Variants in NUTM2F observed in about 807,000 individuals in gnomAD.
The protein encoded by NUTM2F is NUT family member 2F, also known as family with sequence similarity 22, member F.
A neutral mutation model predicts 43.3 loss-of-function variants in NUTM2F; 22 were observed. The observed-to-expected ratio is 0.51, with a 90% confidence interval of 0.36 to 0.73. The LOEUF is 0.73. Among genes scored for constraint, NUTM2F ranks in the 30% least tolerant of loss-of-function variants. The probability of loss-of-function intolerance (pLI) is 0.00; values close to 1 mark genes in which losing one functional copy is unlikely to be tolerated. For missense variants in NUTM2F, 488 were observed against 927.4 expected (o/e 0.53, Z 6.15); for synonymous variants, 202 against 389.0 (o/e 0.52, Z 5.66).
chr9:94,322,138 C>T lies in NUTM2F; in HGVS notation c.842+63G>A, dbSNP rs543721306. The T allele has an allele frequency of 4.2e-5, 68 of 1,605,894 alleles. No homozygotes were observed. The African/African-American group carries it at 7.4e-4, about 17-fold the overall frequency. On this transcript the variant is annotated intron_variant, in intron 3 of 6. Coordinates refer to ENST00000253262, the MANE Select transcript of NUTM2F (RefSeq NM_017561.2). ...CATGCTGAGAAGCCACCACGGCCAC[C>T]GGGCCTCTGTCATTCACTCTCACCC...
rs745989963 is a variant in NUTM2F at position 94,320,600 on chromosome 9, CAGAG to C, written c.983-11_983-8del. On this transcript the variant is annotated splice_region_variant and splice_polypyrimidine_tract_variant and intron_variant, in intron 4 of 6. Coordinates refer to ENST00000253262, the MANE Select transcript of NUTM2F (RefSeq NM_017561.2). This position sits in a 1 kb window ranked among gnomAD's most constrained non-coding sequence, Gnocchi z 4.5. ...TCCTTGCTGGGAAGGTACACTGAGG[CAGAG>C]AGGGAGGAGGATGGGTGTGGTGAGG... 3.1e-6 allele frequency: 5 copies of C among 1,599,422 alleles called. No homozygotes were observed. In the African/African-American group the frequency reaches 6.7e-5, roughly 21 times the overall value.
chr9:94,320,719 G>A lies in NUTM2F; in HGVS notation c.983-126C>T. The stretch of plus-strand genomic sequence containing the variant: ...CTGGGTCAGGACCACCTGAACCACA[G>A]CGCCCCGGAGGAGACGCCACAGGAG... On this transcript the variant is annotated intron_variant, in intron 4 of 6. Transcript: ENST00000253262. This position sits in a 1 kb window ranked among gnomAD's most constrained non-coding sequence, Gnocchi z 4.5. 1 of 1,364,298 alleles carries A rather than the reference G, an allele frequency of 7.3e-7. No individual in the cohort carries two copies. The highest frequency in any genetic ancestry group is 9.8e-7 in the Non-Finnish European group (1 of 1,023,362). The allele number at this position is 1,364,298 out of a possible 1,614,324, so 84.5% of individuals were successfully genotyped here.
Position 94,320,064 on chromosome 9 carries a change from G to T in NUTM2F, c.1368+144C>A. ...AGACACAAACACACAGCAACACACA[G>T]ACACACACAGTCACATACACAGACA... On this transcript the variant is annotated intron_variant, in intron 5 of 6. Coordinates refer to ENST00000253262, the MANE Select transcript of NUTM2F (RefSeq NM_017561.2). The surrounding 1 kb of genome is among the most constrained non-coding windows in gnomAD (Gnocchi z 4.5). 1.3e-6 allele frequency: 1 copy of T among 759,612 alleles called. No individual in the cohort carries two copies. The highest frequency in any genetic ancestry group is 1.8e-5 in the South Asian group (1 of 54,466). The allele number at this position is 759,612 out of a possible 1,614,324, so 47.1% of individuals were successfully genotyped here.
In NUTM2F at chr9:94,322,224, C is replaced by T. The variant is rs1318224704; in HGVS notation, c.819G>A (p.Met273Ile). The T allele has an allele frequency of 1.2e-6, 2 of 1,611,998 alleles. No homozygotes were observed. The highest frequency in any genetic ancestry group is 1.7e-6 in the Non-Finnish European group (2 of 1,179,904). ...ACTTTTCCGCCATCTCGTAGAAGAT[C>T]ATCCGGTCAAAGTTGCTCGTGTGCT... ...EWQHTSNFDR[M>I]IFYEMAEKFL... Residue 273 changes from methionine (M) to isoleucine (I), a missense_variant, in exon 3 of 7, where the codon ATG becomes ATA. Met to Ile is a conservative substitution (Grantham distance 10). Transcript: ENST00000253262.
At position 94,321,332 on chromosome 9, in the gene NUTM2F, G is replaced by A. The variant is rs550044555; in HGVS notation, c.843-100C>T. 25 of 1,523,240 alleles carry A rather than the reference G, an allele frequency of 1.6e-5. No homozygotes were observed. The Middle Eastern group carries it at 7.0e-4, about 43-fold the overall frequency. 94.4% of individuals were successfully genotyped at this position (1,523,240 alleles called of 1,614,324 possible). ...GGCAGGGATGGGAGGGAGTGCCTCC[G>A]GCGGGCTGTCCAGGCCCTCACTGGG... On this transcript the variant is annotated intron_variant, in intron 3 of 6. Coordinates refer to ENST00000253262, the MANE Select transcript of NUTM2F (RefSeq NM_017561.2).
intron 3 of NUTM2F, 127 bp from the exon 4 acceptor site, chr9:94,321,359 C>T: frequency 6.8e-7 from 1 of 1,460,260 alleles, no homozygotes; most frequent in East Asian, 2.5e-5. Context: ...CTCACTGGGA[C>T]CCATCCCCCA....
chr9:94,321,115 G>A lies in NUTM2F; in HGVS notation c.960C>T (p.Ala320=), dbSNP rs543984347. Residue 320 remains alanine, a synonymous_variant, in exon 4 of 7, where the codon GCC becomes GCT. Transcript: ENST00000253262. ...TACCTGGCTGCTTGACCACCTCAGG[G>A]GCAGGGGGTCCTCGAGGTTCAAGCC... ...PPRLEPRGPP[A]PEVVKQPVYL... is the part of the protein sequence containing the mutation. 220 of 1,552,668 alleles carry A rather than the reference G, an allele frequency of 1.4e-4. No individual in the cohort carries two copies. In the African/African-American group the frequency reaches 2.2e-3, roughly 16 times the overall value.
intron 6 of NUTM2F, 149 bp downstream of exon 6, chr9:94,319,464 C>G (rs1292724448): frequency 3.2e-6 from 2 of 632,648 alleles, no homozygotes; most frequent in Non-Finnish European, 5.7e-6. Context: ...CATCCTACTC[C>G]CTCTGAACCT....
chr9:94,327,293 G>A (rs1477527773), intron 1 of NUTM2F, among the ~76,000 whole-genome samples: 1 of 151,550 alleles, frequency 6.6e-6, no homozygotes, highest in Non-Finnish European at 1.5e-5. Flanking sequence ...TAGTAGAGAC[G>A]GGGTTTCACC....
At chr9:94,322,175 C>T in intron 3 of NUTM2F, 26 bp downstream of exon 3, 1 of 1,611,864 alleles carries the variant, frequency 6.2e-7, no homozygotes, top group Non-Finnish European at 8.5e-7. Context: ...GCCACACGGG[C>T]CCTGCCCCCA....
rs1831444649 is a variant in NUTM2F, at chr9:94,325,761, G to A, written c.190C>T (p.Leu64=). The change falls in exon 2 of 7, where the codon CTA becomes TTA. Residue 64 remains leucine, a synonymous_variant. Coordinates refer to ENST00000253262, the MANE Select transcript of NUTM2F (RefSeq NM_017561.2). The part of the protein sequence containing the change: ...LVLSAFPSTP[L]VAGQDGRGPS... ...CCGCGGCCATCCTGTCCTGCCACTA[G>A]AGGGGTGCTGGGGAAGGCAGAGAGC... The A allele has an allele frequency of 6.2e-7, 1 of 1,612,104 alleles. No individual in the cohort carries two copies. Among genetic ancestry groups the A allele is most frequent in the Non-Finnish European group, 8.5e-7 (1 of 1,179,864 alleles).
intron 1 of NUTM2F, among the ~76,000 whole-genome samples, chr9:94,326,473 G>A (rs572711089): frequency 2.0e-5 from 3 of 152,256 alleles, no homozygotes; most frequent in East Asian, 1.9e-4. Context: ...TGGATAGGCC[G>A]GGCGTGCTGG....
intron 3 of NUTM2F, 118 bp from the exon 4 acceptor site, chr9:94,321,350 T>G (rs1831364432): frequency 6.7e-7 from 1 of 1,489,102 alleles, no homozygotes; most frequent in African/African-American, 1.4e-5. Context: ...GTCCAGGCCC[T>G]CACTGGGACC....
intron 2 of NUTM2F, among the ~76,000 whole-genome samples, chr9:94,324,644 C>T (rs1831426371): frequency 8.0e-6 from 1 of 124,680 alleles, no homozygotes; most frequent in Non-Finnish European, 1.6e-5. Flanking sequence ...GCCTGGGCGA[C>T]AGAGTGAGAC....
Position 94,326,477 on chromosome 9 carries a change from G to A in NUTM2F, c.17-543C>T, listed in dbSNP as rs149236247. Among the ~76,000 whole-genome samples the A allele has an allele frequency of 1.5e-4, 23 of 152,182 alleles. No individual in the cohort carries two copies. The South Asian group carries it at 2.1e-3, about 14-fold the overall frequency. ...AAGAAAACCACTGGATAGGCCGGGC[G>A]TGCTGGTTCATGCCTGTCATCCCAG... On this transcript the variant is annotated intron_variant, in intron 1 of 6. Coordinates refer to ENST00000253262, the MANE Select transcript of NUTM2F (RefSeq NM_017561.2).
Position 94,319,619 on chromosome 9 carries a change from A to C in NUTM2F, c.1479T>G (p.Leu493=), listed in dbSNP as rs770526294. ...CCTCCCTCCGCTGCTCTACCTGGGC[A>C]AGGGTGAGTCCTTCCTCCTGCTCCA... is the stretch of plus-strand genomic sequence containing the variant. The part of the protein sequence containing the change: ...QELEQEEGLT[L]AQLVEKRLLS... The change falls in exon 6 of 7, where the codon CTT becomes CTG. Residue 493 remains leucine, a synonymous_variant. Transcript: ENST00000253262. The C allele has an allele frequency of 6.2e-7, 1 of 1,612,344 alleles. No homozygotes were observed. Among genetic ancestry groups the C allele is most frequent in the South Asian group, 1.1e-5 (1 of 90,998 alleles).
rs368221012 is a variant in NUTM2F at position 94,320,429 on chromosome 9, C to G, written c.1147G>C (p.Glu383Gln). The change falls in exon 5 of 7, where the codon GAG becomes CAG. Residue 383 changes from glutamate to glutamine, a missense_variant. Coordinates refer to ENST00000253262, the MANE Select transcript of NUTM2F (RefSeq NM_017561.2). The surrounding 1 kb of genome is among the most constrained non-coding windows in gnomAD (Gnocchi z 4.5). ...LPPPRPQRPAETKVPEEIPPE... is the reference protein window; with the variant it reads ...LPPPRPQRPAQTKVPEEIPPE... ...GGGATCTCCTCAGGGACCTTGGTCTCCGCTGGCCTCTGGGGCCTGGGTGGT... is the reference window on the plus strand; with the variant it reads ...GGGATCTCCTCAGGGACCTTGGTCTGCGCTGGCCTCTGGGGCCTGGGTGGT... The G allele has an allele frequency of 1.1e-5, 17 of 1,603,712 alleles. No individual in the cohort carries two copies. The highest frequency in any genetic ancestry group is 4.0e-5 in the African/African-American group (3 of 74,606).
At chr9:94,324,361 T>A (rs1468861171) in intron 2 of NUTM2F, among the ~76,000 whole-genome samples, 1 of 150,478 alleles carries the variant, frequency 6.6e-6, no homozygotes, top group Non-Finnish European at 1.5e-5. Context: ...AACATTGTTG[T>A]GAAAATTATT....
At chr9:94,327,264 C>T (rs1178301132) in intron 1 of NUTM2F, among the ~76,000 whole-genome samples, 6 of 151,950 alleles carry the variant, frequency 3.9e-5, no homozygotes, top group Admixed American at 3.9e-4. Flanking sequence ...CCACCATGCC[C>T]AGCCAATTTT....
Sources: allele counts gnomAD v4.1 joint callset (sites outside exome capture counted in the v4.1 genomes callset), GRCh38; gene constraint gnomAD v4.1.1; non-coding constraint Gnocchi (gnomAD v3.1); transcripts MANE v1.5; gene names NCBI Gene and HGNC (gene_info 2026-07-23, HGNC 2026-07-21).